The following SLC5A4 variants were observed in gnomAD, a reference collection of about 807,000 sequenced individuals.
The protein encoded by SLC5A4 is probable glucose sensor protein SLC5A4.
A neutral mutation model predicts 70.3 loss-of-function variants in SLC5A4; 55 were observed. The ratio of observed to expected loss-of-function variants is 0.78; its 90% CI spans 0.63 to 0.98. The LOEUF (loss-of-function observed/expected upper bound fraction) is 0.98. Ranked by LOEUF, SLC5A4 falls within the 50% of genes least tolerant of loss-of-function variation. SLC5A4 has a pLI of 0.00. For missense variants in SLC5A4, 735 were observed against 839.2 expected (o/e 0.88, Z 1.53); for synonymous variants, 268 against 305.7 (o/e 0.88, Z 1.29).
the SLC5A4 span, among the ~76,000 whole-genome samples, chr22:32,311,261 C>T: frequency 6.6e-6 from 1 of 152,168 alleles, no homozygotes; most frequent in African/African-American, 2.4e-5. Flanking sequence ...ACCTGCCTTG[C>T]TCACTGTTGT....
At chr22:32,327,746 C>G in the SLC5A4 span, among the ~76,000 whole-genome samples, 1 of 81,596 alleles carries the variant, frequency 1.2e-5, no homozygotes, top group African/African-American at 5.0e-5. Context: ...GGGTTTGGGA[C>G]ACAGTTGGGA....
the SLC5A4 span, among the ~76,000 whole-genome samples, chr22:32,326,731 C>CTA: frequency 6.6e-6 from 1 of 152,168 alleles, no homozygotes; most frequent in Non-Finnish European, 1.5e-5. Flanking sequence ...TCTGCTGACA[C>CTA]GATAGAGTTG....
the SLC5A4 span, among the ~76,000 whole-genome samples, chr22:32,311,567 A>G: frequency 2.0e-5 from 3 of 152,132 alleles, no homozygotes; most frequent in Non-Finnish European, 4.4e-5. Context: ...GGAAGTCCCA[A>G]TTCAAAGCGG....
chr22:32,254,312 C>G (rs1465228298), intron 1 of SLC5A4, 99 bp from the exon 2 acceptor site: 9 of 798,194 alleles, frequency 1.1e-5, no homozygotes, highest in Non-Finnish European at 2.0e-5. Flanking sequence ...GACTTCAGCA[C>G]TCCTACAGAG....
the SLC5A4 span, among the ~76,000 whole-genome samples, chr22:32,328,311 C>T: frequency 6.6e-6 from 1 of 152,108 alleles, no homozygotes; most frequent in African/African-American, 2.4e-5. Context: ...TCCTTTGGTA[C>T]CCAAAGGAGA....
At chr22:32,313,045 A>G in the SLC5A4 span, among the ~76,000 whole-genome samples, 2 of 152,210 alleles carry the variant, frequency 1.3e-5, no homozygotes, top group African/African-American at 2.4e-5. Context: ...GGCTCATGCA[A>G]TAAGGCAAGA....
chr22:32,306,417 G>C, the SLC5A4 span, among the ~76,000 whole-genome samples: 1 of 148,842 alleles, frequency 6.7e-6, no homozygotes, highest in Admixed American at 6.8e-5. Context: ...AGTGACCCGA[G>C]ATTGCACCAC....
chr22:32,281,780 T>C, the SLC5A4 span, among the ~76,000 whole-genome samples: 1 of 151,176 alleles, frequency 6.6e-6, no homozygotes, highest in East Asian at 2.0e-4. Context: ...TGAGAGCCAC[T>C]GTACCCTGAT....
the SLC5A4 span, among the ~76,000 whole-genome samples, chr22:32,333,333 G>C: frequency 6.6e-6 from 1 of 152,116 alleles, no homozygotes; most frequent in Non-Finnish European, 1.5e-5. Flanking sequence ...CCTCCGGAAG[G>C]AGCATGACCT....
chr22:32,311,868 G>A, the SLC5A4 span, among the ~76,000 whole-genome samples: 1 of 152,184 alleles, frequency 6.6e-6, no homozygotes, highest in African/African-American at 2.4e-5. Flanking sequence ...GGTGTGCCCT[G>A]GCTGGGGATC....
the SLC5A4 span, among the ~76,000 whole-genome samples, chr22:32,285,861 T>G: frequency 4.6e-5 from 7 of 152,092 alleles, no homozygotes; most frequent in Admixed American, 4.6e-4. Flanking sequence ...CTCAGCCTCC[T>G]GAGTAGCTGG....
chr22:32,333,205 C>CG, the SLC5A4 span, among the ~76,000 whole-genome samples: 1 of 148,976 alleles, frequency 6.7e-6, no homozygotes, highest in Non-Finnish European at 1.5e-5. Context: ...CACCCCCCCC[C>CG]CAGAAGACTC....
the SLC5A4 span, among the ~76,000 whole-genome samples, chr22:32,307,241 TAGG>T: frequency 4.1e-3 from 627 of 152,284 alleles, 1 homozygote; most frequent in Non-Finnish European, 5.7e-3. Context: ...GATGTGAAGA[TAGG>T]AGTTTTAGGT....
chr22:32,314,779 G>A, the SLC5A4 span, among the ~76,000 whole-genome samples: 1 of 152,214 alleles, frequency 6.6e-6, no homozygotes, highest in African/African-American at 2.4e-5. Context: ...AAGGCAAGGA[G>A]GAGCAAGTCA....
chr22:32,305,573 G>T, the SLC5A4 span, among the ~76,000 whole-genome samples: 59 of 148,402 alleles, frequency 4.0e-4, 5 homozygotes, highest in African/African-American at 1.4e-3. Context: ...AGGTGAGGTG[G>T]GACTGGGCTG....
At chr22:32,323,244 C>T in the SLC5A4 span, among the ~76,000 whole-genome samples, 1 of 152,036 alleles carries the variant, frequency 6.6e-6, no homozygotes, top group Non-Finnish European at 1.5e-5. Context: ...GACCCCGCAC[C>T]TCCTCACCCC....
the SLC5A4 span, among the ~76,000 whole-genome samples, chr22:32,300,475 C>T: frequency 6.6e-6 from 1 of 152,284 alleles, no homozygotes; most frequent in South Asian, 2.1e-4. Flanking sequence ...CTCCCTGACC[C>T]CTTGCACTTC....
At chr22:32,283,077 G>A in the SLC5A4 span, among the ~76,000 whole-genome samples, 3 of 152,196 alleles carry the variant, frequency 2.0e-5, no homozygotes, top group Non-Finnish European at 2.9e-5. Context: ...ATTCTGCAAA[G>A]CCCCAGATAA....
the SLC5A4 span, among the ~76,000 whole-genome samples, chr22:32,341,152 A>G: frequency 5.3e-5 from 8 of 152,208 alleles, no homozygotes; most frequent in Non-Finnish European, 1.2e-4. Flanking sequence ...CTCTGCAATG[A>G]ACAGCTAGTC....
Sources: allele counts gnomAD v4.1 joint callset (sites outside exome capture counted in the v4.1 genomes callset), GRCh38; gene constraint gnomAD v4.1.1; transcripts MANE v1.5; gene names NCBI Gene and HGNC (gene_info 2026-07-23, HGNC 2026-07-21).